The following MAP3K13 variants were observed in gnomAD, a reference collection of about 807,000 sequenced individuals.
MAP3K13 encodes the protein mitogen-activated protein kinase kinase kinase 13.
In MAP3K13, 52 loss-of-function variants were observed where a neutral mutation model predicts 104.0. That is an observed-to-expected ratio of 0.50 (90% CI 0.40 to 0.63). The LOEUF (loss-of-function observed/expected upper bound fraction) is 0.63, where lower values mean the gene tolerates loss of function less well. MAP3K13 is among the 20% of genes least tolerant of loss of function. MAP3K13 has a pLI of 0.00. For synonymous variants in MAP3K13, 394 were observed against 442.2 expected (o/e 0.89, Z 1.37); for missense variants, 914 against 1,218.5 (o/e 0.75, Z 3.72).
intron 2 of MAP3K13, among the ~76,000 whole-genome samples, chr3:185,357,446 C>G (rs1345702753): frequency 1.1e-4 from 3 of 27,106 alleles, no homozygotes; most frequent in Non-Finnish European, 2.5e-4. Flanking sequence ...GAAACTCCAT[C>G]TAAAAAAAAA....
chr3:185,456,008 T>G (rs577332634), intron 7 of MAP3K13, among the ~76,000 whole-genome samples: 21 of 147,940 alleles, frequency 1.4e-4, no homozygotes, highest in South Asian at 8.4e-4. Context: ...ATATATGAGA[T>G]ATATATATAT....
chr3:185,432,483 C>T (rs1714804247), intron 2 of MAP3K13, among the ~76,000 whole-genome samples: 1 of 152,124 alleles, frequency 6.6e-6, no homozygotes, highest in Non-Finnish European at 1.5e-5. Flanking sequence ...AGCCACCACG[C>T]CCGGCCCTAA....
intron 7 of MAP3K13, among the ~76,000 whole-genome samples, chr3:185,452,271 A>C (rs1183320816): frequency 6.6e-6 from 1 of 152,144 alleles, no homozygotes; most frequent in Non-Finnish European, 1.5e-5. Context: ...TCAACCAGGC[A>C]GGAGTACCGT....
In MAP3K13 at chr3:185,436,046, C is replaced by T. The variant is rs190414972; in HGVS notation, c.476-1401C>T. ...TTAGCTCTTTGATATTTGTTTCTTA[C>T]CTGTGATAATACTCTGGTAAGAAGG... On this transcript the variant is annotated intron_variant, in intron 2 of 13. Coordinates refer to ENST00000265026, the MANE Select transcript of MAP3K13 (RefSeq NM_004721.5). 5.5e-3 allele frequency among the ~76,000 whole-genome samples: 843 copies of T among 152,182 alleles called. 26 individuals are homozygous for T. The highest frequency in any genetic ancestry group is 1.5e-3 in the Non-Finnish European group (100 of 68,020).
chr3:185,456,694 C>T (rs1270341988), intron 7 of MAP3K13, among the ~76,000 whole-genome samples: 1 of 151,340 alleles, frequency 6.6e-6, no homozygotes, highest in Admixed American at 6.6e-5. Flanking sequence ...CTCCACCTCC[C>T]GAGTTCAAGC....
At chr3:185,349,345 C>T (rs566730152) in intron 2 of MAP3K13, among the ~76,000 whole-genome samples, 49 of 152,188 alleles carry the variant, frequency 3.2e-4, no homozygotes, top group African/African-American at 1.1e-3. Flanking sequence ...TTAGCTCTCA[C>T]GTATAAGTGA....
chr3:185,381,321 A>G (rs889023944), intron 1 of MAP3K13, among the ~76,000 whole-genome samples: 4 of 152,258 alleles, frequency 2.6e-5, no homozygotes, highest in Admixed American at 1.3e-4. Flanking sequence ...TAGAAAATAA[A>G]TAGCTTAACT....
At chr3:185,343,695 C>T in intron 2 of MAP3K13, among the ~76,000 whole-genome samples, 1 of 152,160 alleles carries the variant, frequency 6.6e-6, no homozygotes, top group East Asian at 1.9e-4. Context: ...TTGTGATCTG[C>T]CCGCCTTGGC....
At chr3:185,363,048 A>G, upstream of MAP3K13, 6 of 984,046 alleles carry the variant, frequency 6.1e-6, no homozygotes, top group Non-Finnish European at 7.2e-6. Flanking sequence ...TTATTCTGTG[A>G]CCAGATTCCT....
At chr3:185,451,609 T>G in intron 7 of MAP3K13, 1 of 399,522 alleles carries the variant, frequency 2.5e-6, no homozygotes, top group Non-Finnish European at 4.6e-6. Flanking sequence ...AAACACGTGT[T>G]GGCCGGGTGC....
chr3:185,345,206 T>C (rs1722872838), intron 2 of MAP3K13, among the ~76,000 whole-genome samples: 1 of 151,160 alleles, frequency 6.6e-6, no homozygotes, highest in South Asian at 2.1e-4. Flanking sequence ...TCTGCACTTT[T>C]CTGTTTTCTC....
At chr3:185,337,073 A>T (rs749989589) in intron 2 of MAP3K13, among the ~76,000 whole-genome samples, 93 of 152,266 alleles carry the variant, frequency 6.1e-4, no homozygotes, top group Admixed American at 1.2e-3. Context: ...TTTAAAAAAA[A>T]TTTTAAATAA....
intron 10 of MAP3K13, among the ~76,000 whole-genome samples, chr3:185,469,958 G>GGACT (rs1490938582): frequency 3.9e-5 from 6 of 152,154 alleles, no homozygotes; most frequent in Non-Finnish European, 7.3e-5. Flanking sequence ...GGTGAAGACA[G>GGACT]GACTGTACCT....
intron 2 of MAP3K13, among the ~76,000 whole-genome samples, chr3:185,288,686 G>A (rs768124187): frequency 6.6e-5 from 10 of 152,006 alleles, no homozygotes; most frequent in African/African-American, 9.7e-5. Flanking sequence ...AATAATTTTC[G>A]AAGTTTTAAG....
intron 4 of MAP3K13, among the ~76,000 whole-genome samples, chr3:185,445,443 G>A (rs1036413669): frequency 6.6e-5 from 10 of 151,994 alleles, no homozygotes; most frequent in South Asian, 2.1e-4. Context: ...CATTTCTTCC[G>A]TTCACATTCT....
intron 2 of MAP3K13, among the ~76,000 whole-genome samples, chr3:185,319,135 AT>A (rs1421969444): frequency 2.0e-5 from 3 of 152,174 alleles, no homozygotes; most frequent in Non-Finnish European, 4.4e-5. Flanking sequence ...TTAAAAAAAA[AT>A]CTACATTATA....
chr3:185,315,935 A>G lies in MAP3K13; in HGVS notation c.-86+30292A>G, dbSNP rs1721654685. Reference sequence around the variant, plus strand: ...ATATTAATTTATGAGTCATTAAGGTATAGAAGATCAATTAGAGAAAGCCCT... The same window carrying G: ...ATATTAATTTATGAGTCATTAAGGTGTAGAAGATCAATTAGAGAAAGCCCT... On this transcript the variant is annotated intron_variant, in intron 2 of 14. Coordinates refer to the MAP3K13 transcript ENST00000424227. This position sits in a 1 kb window ranked among gnomAD's most constrained non-coding sequence, Gnocchi z 4.3. Among the ~76,000 whole-genome samples, 1 of 152,204 alleles carries G rather than the reference A, an allele frequency of 6.6e-6. No individual in the cohort carries two copies. Among genetic ancestry groups the G allele is most frequent in the South Asian group, 2.1e-4 (1 of 4,828 alleles).
rs1718712371 is a variant in MAP3K13 at position 185,486,272 on chromosome 3, A to G, written c.*3816A>G. ...ATACACCTTATGTGGATTAACTGTT[A>G]TGAGTATGTTAGGGTAGTACGTAGT... is the stretch of plus-strand genomic sequence containing the variant. On this transcript the variant is annotated 3_prime_UTR_variant, in exon 14 of 14. Transcript: ENST00000265026. 1 of 152,208 alleles carries G rather than the reference A, an allele frequency of 6.6e-6. No homozygotes were observed. Among genetic ancestry groups the G allele is most frequent in the African/African-American group, 2.4e-5 (1 of 41,444 alleles). The allele number at this position is 152,208 out of a possible 1,614,324, so 9.4% of individuals were successfully genotyped here.
chr3:185,457,995 A>C (rs1311788120), intron 7 of MAP3K13, among the ~76,000 whole-genome samples: 3 of 152,154 alleles, frequency 2.0e-5, no homozygotes, highest in Non-Finnish European at 4.4e-5. Flanking sequence ...TCCCTTCCTT[A>C]GGGAGTTTCT....
Sources: allele counts gnomAD v4.1 joint callset (sites outside exome capture counted in the v4.1 genomes callset), GRCh38; gene constraint gnomAD v4.1.1; non-coding constraint Gnocchi (gnomAD v3.1); transcripts MANE v1.5; gene names NCBI Gene and HGNC (gene_info 2026-07-23, HGNC 2026-07-21).